The following C10orf67 variants were observed in gnomAD, a reference collection of about 807,000 sequenced individuals.
The protein encoded by C10orf67 is uncharacterized protein C10orf67, mitochondrial.
Under a neutral mutation model 35.6 loss-of-function variants are expected in C10orf67, and 60 were observed. The ratio of observed to expected loss-of-function variants is 1.68; its 90% CI spans 1.37 to 2.09. The LOEUF (loss-of-function observed/expected upper bound fraction) is 2.09, where lower values mean the gene tolerates loss of function less well. C10orf67 is among the 30% of genes most tolerant of loss of function. C10orf67 has a pLI of 0.00. For missense variants in C10orf67, 474 were observed against 330.2 expected (o/e 1.44, Z -3.38); for synonymous variants, 167 against 115.8 (o/e 1.44, Z -2.84).
At chr10:23,307,680 C>A (rs550606903) in intron 4 of C10orf67, among the ~76,000 whole-genome samples, 70 of 149,774 alleles carry the variant, frequency 4.7e-4, no homozygotes, top group Non-Finnish European at 1.3e-4. Context: ...AATCGGCTCA[C>A]TGCAACCTCC....
chr10:23,310,065 G>A (rs1754181556), intron 4 of C10orf67, among the ~76,000 whole-genome samples: 3 of 152,192 alleles, frequency 2.0e-5, no homozygotes, highest in Non-Finnish European at 4.4e-5. Flanking sequence ...TGGACTCTGT[G>A]GGAGATAGCA....
intron 10 of C10orf67, among the ~76,000 whole-genome samples, chr10:23,254,974 G>C (rs1842563795): frequency 6.6e-6 from 1 of 152,110 alleles, no homozygotes; most frequent in African/African-American, 2.4e-5. Context: ...GACTCATCAT[G>C]ATGAAGAATG....
At chr10:23,302,295 C>A (rs1162518015) in intron 5 of C10orf67, among the ~76,000 whole-genome samples, 1 of 151,882 alleles carries the variant, frequency 6.6e-6, no homozygotes, top group Non-Finnish European at 1.5e-5. Context: ...ATATTCACTA[C>A]AACCTTTAAT....
intron 4 of C10orf67, among the ~76,000 whole-genome samples, chr10:23,314,723 A>G (rs991200468): frequency 2.0e-5 from 3 of 152,174 alleles, no homozygotes; most frequent in African/African-American, 7.2e-5. Flanking sequence ...TAGAGGCTTC[A>G]GTTTCTTGCT....
intron 2 of C10orf67, among the ~76,000 whole-genome samples, chr10:23,326,613 T>A (rs946246727): frequency 6.6e-6 from 1 of 152,138 alleles, no homozygotes; most frequent in Non-Finnish European, 1.5e-5. Context: ...TTTCCTCTTA[T>A]TAGCTTAAAA....
intron 10 of C10orf67, chr10:23,258,459 C>A: frequency 6.0e-6 from 1 of 166,430 alleles, no homozygotes. Context: ...TGTTCCAGTT[C>A]TGATCACTGG....
chr10:23,301,753 G>C (rs970890177), intron 5 of C10orf67, among the ~76,000 whole-genome samples: 1 of 151,970 alleles, frequency 6.6e-6, no homozygotes, highest in African/African-American at 2.4e-5. Flanking sequence ...TTGGCCTCAT[G>C]GATTCCAAGG....
chr10:23,267,370 A>C (rs1017147959), intron 8 of C10orf67, 116 bp from the exon 9 acceptor site: 15 of 548,018 alleles, frequency 2.7e-5, no homozygotes, highest in Non-Finnish European at 4.5e-5. Context: ...TTTGTCTCCC[A>C]AAACGATTAT....
At chr10:23,269,668 C>T (rs1842968450) in intron 8 of C10orf67, among the ~76,000 whole-genome samples, 1 of 151,146 alleles carries the variant, frequency 6.6e-6, no homozygotes, top group South Asian at 2.1e-4. Context: ...TATAAATATA[C>T]TGAGAATTTA....
At chr10:23,207,542 T>C (rs1351989126) in intron 15 of C10orf67, among the ~76,000 whole-genome samples, 4 of 152,202 alleles carry the variant, frequency 2.6e-5, no homozygotes, top group Non-Finnish European at 4.4e-5. Context: ...ATAAATTCTC[T>C]GGTCATTCAT....
At chr10:23,319,001 T>G in intron 4 of C10orf67, 3 of 715,384 alleles carry the variant, frequency 4.2e-6, no homozygotes, top group Non-Finnish European at 7.8e-6. Context: ...ACCCTTTTTT[T>G]TCTTTCCAAT....
At chr10:23,209,983 G>C (rs1841262005) in intron 15 of C10orf67, among the ~76,000 whole-genome samples, 1 of 112,798 alleles carries the variant, frequency 8.9e-6, no homozygotes, top group Admixed American at 1.2e-4. Flanking sequence ...TTGGGCAATA[G>C]AGCCAGACCT....
intron 10 of C10orf67, among the ~76,000 whole-genome samples, chr10:23,262,737 A>AT (rs1842786269): frequency 6.6e-6 from 1 of 152,206 alleles, no homozygotes; most frequent in Admixed American, 6.5e-5. Flanking sequence ...TCTGTTCCAA[A>AT]TATACCAAAG....
chr10:23,222,007 C>G (rs1305898862), intron 15 of C10orf67, among the ~76,000 whole-genome samples: 1 of 152,152 alleles, frequency 6.6e-6, no homozygotes, highest in Non-Finnish European at 1.5e-5. Flanking sequence ...GCCTCCTCTA[C>G]AGTGCTGATT....
chr10:23,270,648 C>G (rs776590768), intron 8 of C10orf67, among the ~76,000 whole-genome samples: 1 of 152,204 alleles, frequency 6.6e-6, no homozygotes, highest in Non-Finnish European at 1.5e-5. Context: ...TCCAGACAGA[C>G]AGCAGCAACA....
intron 15 of C10orf67, among the ~76,000 whole-genome samples, chr10:23,208,431 G>A (rs758845995): frequency 1.6e-4 from 25 of 152,146 alleles, no homozygotes; most frequent in Admixed American, 3.3e-4. Flanking sequence ...TAATTCTGAA[G>A]AGCAAGGTAG....
intron 15 of C10orf67, among the ~76,000 whole-genome samples, chr10:23,214,150 A>G (rs1841376269): frequency 6.6e-6 from 1 of 152,160 alleles, no homozygotes; most frequent in African/African-American, 2.4e-5. Context: ...AGCATTTAAC[A>G]TAGCTTTAAA....
chr10:23,280,254 T>C (rs999318962), intron 8 of C10orf67, among the ~76,000 whole-genome samples: 3 of 152,184 alleles, frequency 2.0e-5, no homozygotes, highest in African/African-American at 7.2e-5. Flanking sequence ...AAAATAGTAA[T>C]AGACAAGCAT....
chr10:23,207,032 CTT>C (rs1478590667), intron 15 of C10orf67, among the ~76,000 whole-genome samples: 1 of 152,116 alleles, frequency 6.6e-6, no homozygotes, highest in Non-Finnish European at 1.5e-5. Flanking sequence ...GTGCCATACT[CTT>C]GATAAAGTTA....
Sources: allele counts gnomAD v4.1 joint callset (sites outside exome capture counted in the v4.1 genomes callset), GRCh38; gene constraint gnomAD v4.1.1; transcripts MANE v1.5; gene names NCBI Gene and HGNC (gene_info 2026-07-23, HGNC 2026-07-21).